The following TCF25 variants were observed in gnomAD, a reference collection of about 807,000 sequenced individuals.
The protein encoded by TCF25 is ribosome quality control complex subunit TCF25.
TCF25 carries 41 observed loss-of-function variants against 83.1 expected under a neutral mutation model. The observed-to-expected ratio is 0.49, with a 90% CI of 0.38 to 0.64. The LOEUF is 0.64. Among genes scored for constraint, TCF25 ranks in the 30% least tolerant of loss-of-function variants. The pLI is 0.00. For synonymous variants in TCF25, 458 were observed against 365.0 expected (o/e 1.25, Z -2.90); for missense variants, 979 against 914.5 (o/e 1.07, Z -0.91).
chr16:89,910,556 A>G (rs1396561274), intron 16 of TCF25, 35 bp from the exon 17 acceptor site: 2 of 1,608,914 alleles, frequency 1.2e-6, no homozygotes, highest in African/African-American at 2.7e-5. Context: ...GTCTCAGTTC[A>G]GTGTCGTTTC....
intron 1 of TCF25, among the ~76,000 whole-genome samples, chr16:89,877,035 G>T (rs906516887): frequency 8.6e-5 from 13 of 151,766 alleles, no homozygotes; most frequent in Non-Finnish European, 1.6e-4. Context: ...CCAGGAGGTG[G>T]AGGTTGCAAT....
chr16:89,903,173 C>T (rs1382690861), intron 12 of TCF25, among the ~76,000 whole-genome samples: 4 of 152,274 alleles, frequency 2.6e-5, no homozygotes, highest in Non-Finnish European at 5.9e-5. Context: ...GCTGTAGCGT[C>T]AGCACCTCCC....
Position 89,885,836 on chromosome 16 carries a change from T to TG in TCF25, c.430-8dup, listed in dbSNP as rs529967766. On this transcript the variant is annotated splice_polypyrimidine_tract_variant and intron_variant, in intron 3 of 17. Transcript: ENST00000263346. Reference sequence around the variant, plus strand: ...CAGTGTGGTGATTAAGAGGTTGTTTTGGGGCTTTTAGGAAAACGGACTAGA... The same window carrying TG: ...CAGTGTGGTGATTAAGAGGTTGTTTTGGGGGCTTTTAGGAAAACGGACTAGA... 20 of 1,598,270 alleles carry TG rather than the reference T, an allele frequency of 1.3e-5. No individual in the cohort carries two copies. In the South Asian group the frequency reaches 2.0e-4, roughly 16 times the overall value.
At chr16:89,875,624 G>A (rs1423340220) in intron 1 of TCF25, among the ~76,000 whole-genome samples, 5 of 142,152 alleles carry the variant, frequency 3.5e-5, no homozygotes, top group South Asian at 2.3e-4. Flanking sequence ...CTGGGTTCAC[G>A]CCATTCTCCT....
intron 7 of TCF25, among the ~76,000 whole-genome samples, chr16:89,894,345 A>G (rs948739923): frequency 3.0e-5 from 4 of 132,230 alleles, no homozygotes; most frequent in African/African-American, 1.4e-4. Flanking sequence ...GCCCCTGGAC[A>G]GCTCCCCTTG....
At position 89,876,372 on chromosome 16, in the gene TCF25, C is replaced by T. The variant is rs17775710; in HGVS notation, c.192+2513C>T. Among the ~76,000 whole-genome samples the T allele has an allele frequency of 6.7e-3, 1,022 of 152,230 alleles. 3 individuals are homozygous for T. The highest frequency in any genetic ancestry group is 0.011 in the Non-Finnish European group (731 of 68,018). ...ATGGGAGACAGTAAACAGCCAGTTA[C>T]GACTAAATGGTTATGAATGTGAATG... is the stretch of plus-strand genomic sequence containing the variant. On this transcript the variant is annotated intron_variant, in intron 1 of 17. Coordinates refer to ENST00000263346, the MANE Select transcript of TCF25 (RefSeq NM_014972.3).
At chr16:89,894,424 TC>T (rs1290204682) in intron 7 of TCF25, among the ~76,000 whole-genome samples, 3 of 149,100 alleles carry the variant, frequency 2.0e-5, no homozygotes, top group African/African-American at 7.7e-5. Flanking sequence ...GCCGGACAGC[TC>T]CCCTTGCAAC....
chr16:89,892,394 G>T (rs1039854676), intron 6 of TCF25, 119 bp downstream of exon 6: 23 of 1,141,428 alleles, frequency 2.0e-5, no homozygotes, highest in East Asian at 7.9e-5. Context: ...AGGGCGGCGG[G>T]GGGGTGTGTT....
intron 11 of TCF25, among the ~76,000 whole-genome samples, chr16:89,899,189 G>A (rs1467157397): frequency 6.6e-5 from 10 of 152,088 alleles, no homozygotes; most frequent in South Asian, 2.1e-4. Flanking sequence ...GACAACTCCC[G>A]AGCTCCTCAT....
chr16:89,907,507 ACCTCCCACCTCCCT>A (rs2044964206), intron 16 of TCF25, among the ~76,000 whole-genome samples, 185 bp downstream of exon 16: 1 of 4,988 alleles, frequency 2.0e-4, no homozygotes, highest in Non-Finnish European at 3.6e-4. Flanking sequence ...CCCTCCTCCC[ACCTCCCACCTCCCT>A]CCTCCCAGTT....
chr16:89,881,230 CTG>C (rs1157342944), intron 1 of TCF25, among the ~76,000 whole-genome samples: 1 of 152,222 alleles, frequency 6.6e-6, no homozygotes, highest in East Asian at 1.9e-4. Flanking sequence ...GCCGGGGTGT[CTG>C]TCTTCCCAGG....
chr16:89,910,155 G>A (rs770569443), intron 16 of TCF25: 26 of 180,762 alleles, frequency 1.4e-4, no homozygotes, highest in Non-Finnish European at 2.7e-4. Context: ...GCCGCTCAGC[G>A]TCCTGTAGAG....
chr16:89,893,556 G>A (rs1451792586), intron 6 of TCF25, among the ~76,000 whole-genome samples, 172 bp from the exon 7 acceptor site: 1 of 151,456 alleles, frequency 6.6e-6, no homozygotes, highest in Admixed American at 6.6e-5. Context: ...ACCAGACGGC[G>A]GGTGTTTTGG....
Position 89,900,642 on chromosome 16 carries a change from G to A in TCF25, c.1229G>A (p.Arg410Gln), listed in dbSNP as rs768321699. ...IRLFQEWEAH[R>Q]NLSQLPNFAF... ...TTTCTTCGTCCCTCGTAGGCTCATC[G>A]GAACCTGTCCCAGCTCCCTAATTTT... The change falls in exon 12 of 18, where the codon CGG (arginine) becomes CAG (glutamine). Residue 410 changes from arginine (R) to glutamine (Q), a missense_variant. Physicochemically the swap from Arg to Gln is conservative, Grantham distance 43. Coordinates refer to ENST00000263346, the MANE Select transcript of TCF25 (RefSeq NM_014972.3). The A allele has an allele frequency of 5.7e-6, 9 of 1,590,002 alleles. No individual in the cohort carries two copies. Among genetic ancestry groups the A allele is most frequent in the Non-Finnish European group, 6.9e-6 (8 of 1,160,128 alleles).
At chr16:89,895,953 G>A in intron 8 of TCF25, 37 bp from the exon 9 acceptor site, 1 of 1,589,574 alleles carries the variant, frequency 6.3e-7, no homozygotes, top group Non-Finnish European at 8.6e-7. Context: ...GCTGTGTGTG[G>A]CCATGACACC....
intron 1 of TCF25, among the ~76,000 whole-genome samples, chr16:89,881,002 G>A (rs2042564608): frequency 6.6e-6 from 1 of 152,206 alleles, no homozygotes; most frequent in African/African-American, 2.4e-5. Flanking sequence ...CGTTTTGGTG[G>A]AGTGTCAGTG....
chr16:89,877,983 A>G (rs557994908), intron 1 of TCF25, among the ~76,000 whole-genome samples: 113 of 152,338 alleles, frequency 7.4e-4, no homozygotes, highest in African/African-American at 2.7e-3. Context: ...TTTTTAAAGT[A>G]TAAAACATTC....
At chr16:89,874,810 C>T (rs1186752193) in intron 1 of TCF25, 8 of 150,762 alleles carry the variant, frequency 5.3e-5, no homozygotes, top group African/African-American at 1.7e-4. Context: ...GAAGAGTTTT[C>T]GCCTTGTTGC....
chr16:89,884,481 G>T, intron 2 of TCF25, 101 bp from the exon 3 acceptor site: 1 of 1,216,510 alleles, frequency 8.2e-7, no homozygotes. Flanking sequence ...GGGAGAGGTA[G>T]GGGCTGCTTA....
Sources: gnomAD v4.1 joint callset for allele counts (sites outside exome capture counted in the v4.1 genomes callset) on GRCh38, gnomAD v4.1.1 for gene constraint, MANE v1.5 for transcripts, NCBI Gene and HGNC (gene_info 2026-07-23, HGNC 2026-07-21) for gene names.